UTRN: variants seen among roughly 807,000 people sequenced by gnomAD.
The protein encoded by UTRN is utrophin.
In UTRN, 283 loss-of-function variants were observed where a neutral mutation model predicts 463.9. That is an observed-to-expected ratio of 0.61 (90% CI 0.55 to 0.67). UTRN has a LOEUF of 0.67. Among genes scored for constraint, UTRN ranks in the 30% least tolerant of loss-of-function variants. The probability of loss-of-function intolerance (pLI) is 0.00; values close to 1 mark genes in which losing one functional copy is unlikely to be tolerated. For synonymous variants in UTRN, 1,442 were observed against 1,431.5 expected, an observed-to-expected ratio of 1.01 and a Z score of -0.17; for missense variants, 3,922 against 4,084.3, an observed-to-expected ratio of 0.96 and a Z score of 1.08.
chr6:144,477,909 A>G (rs771239189), intron 25 of UTRN, among the ~76,000 whole-genome samples: 1 of 151,304 alleles, frequency 6.6e-6, no homozygotes, highest in Non-Finnish European at 1.5e-5. Flanking sequence ...CTATCTATCT[A>G]TCCATCCATC....
intron 2 of UTRN, among the ~76,000 whole-genome samples, chr6:144,392,445 A>G (rs1370077936): frequency 6.6e-6 from 1 of 152,214 alleles, no homozygotes; most frequent in African/African-American, 2.4e-5. Flanking sequence ...TATTTTGACC[A>G]ATCCTTGTTC....
chr6:144,752,629 T>C (rs1791523842), intron 56 of UTRN, among the ~76,000 whole-genome samples: 1 of 152,188 alleles, frequency 6.6e-6, no homozygotes, highest in South Asian at 2.1e-4. Context: ...TTTACAATCT[T>C]AGTCTTTGCA....
In UTRN at chr6:144,556,759, A is replaced by G. The variant is rs540002587; in HGVS notation, c.7135-398A>G. On this transcript the variant is annotated intron_variant, in intron 49 of 74. Transcript: ENST00000367545. Reference sequence around the variant, plus strand: ...CAGGGGCAAGAGATGGAAGACGTCCATGTTGTTGATTCTTCACGTTTCTCC... The same window carrying G: ...CAGGGGCAAGAGATGGAAGACGTCCGTGTTGTTGATTCTTCACGTTTCTCC... Among the ~76,000 whole-genome samples, 85 of 152,328 alleles carry G rather than the reference A, an allele frequency of 5.6e-4. 1 individual carries two copies. The highest frequency in any genetic ancestry group is 1.5e-4 in the Non-Finnish European group (10 of 68,022).
At chr6:144,833,353 G>A (rs1225450268) in intron 69 of UTRN, among the ~76,000 whole-genome samples, 1 of 152,202 alleles carries the variant, frequency 6.6e-6, no homozygotes, top group African/African-American at 2.4e-5. Flanking sequence ...TTAATATTAT[G>A]GAAAATAGGA....
At chr6:144,375,769 G>A (rs1780400138) in intron 2 of UTRN, among the ~76,000 whole-genome samples, 1 of 152,156 alleles carries the variant, frequency 6.6e-6, no homozygotes, top group South Asian at 2.1e-4. Flanking sequence ...GGTGTTGCTT[G>A]CTGGTTGGAA....
intron 51 of UTRN, among the ~76,000 whole-genome samples, chr6:144,641,912 T>C (rs188369919): frequency 9.2e-5 from 14 of 152,358 alleles, no homozygotes; most frequent in Admixed American, 3.3e-4. Flanking sequence ...GCAATGCAAG[T>C]GTTTACATGA....
chr6:144,332,496 A>G (rs1159825877), intron 2 of UTRN, among the ~76,000 whole-genome samples: 2 of 152,148 alleles, frequency 1.3e-5, no homozygotes, highest in Non-Finnish European at 2.9e-5. Context: ...TCCATTAAGA[A>G]CCCTAGTCAA....
In UTRN at chr6:144,424,087, A is replaced by C. The variant is rs201248661; in HGVS notation, c.405+9A>C. ...TCATTTTGCACTGGCAGGTGGGGAA[A>C]TTTCCAATCACTTTTTAATAGAGAT... On this transcript the variant is annotated intron_variant, in intron 6 of 74. Coordinates refer to ENST00000367545, the MANE Select transcript of UTRN (RefSeq NM_007124.3). 1 of 1,612,016 alleles carries C rather than the reference A, an allele frequency of 6.2e-7. No individual in the cohort carries two copies. Among genetic ancestry groups the C allele is most frequent in the Non-Finnish European group, 8.5e-7 (1 of 1,179,206 alleles).
chr6:144,307,170 C>T (rs941540880), intron 2 of UTRN, among the ~76,000 whole-genome samples: 1 of 151,922 alleles, frequency 6.6e-6, no homozygotes, highest in African/African-American at 2.4e-5. Flanking sequence ...ATGACGGCAG[C>T]GGAAGATGAA....
In UTRN at chr6:144,625,298, T is replaced by C. The variant is rs74875048; in HGVS notation, c.7479+48010T>C. Among the ~76,000 whole-genome samples the C allele has an allele frequency of 2.8e-4, 42 of 152,376 alleles. 1 individual carries two copies. The East Asian group carries it at 8.1e-3, about 29-fold the overall frequency. On this transcript the variant is annotated intron_variant, in intron 51 of 74. Transcript: ENST00000367545. ...AATAACTGTCTTTTGCCTTCATCAA[T>C]ATTTTAGATACCCTTACTGGCTACC... is the stretch of plus-strand genomic sequence containing the variant.
chr6:144,624,926 A>G (rs567405136), intron 51 of UTRN, among the ~76,000 whole-genome samples: 3 of 152,246 alleles, frequency 2.0e-5, no homozygotes, highest in African/African-American at 7.2e-5. Context: ...TTTTTAGAAA[A>G]GAGAGCGGAA....
At chr6:144,631,233 GAGAGGTGTGT>G (rs1256347256) in intron 51 of UTRN, among the ~76,000 whole-genome samples, 1 of 123,692 alleles carries the variant, frequency 8.1e-6, no homozygotes, top group South Asian at 3.2e-4. Context: ...GTGTGAGAGA[GAGAGGTGTGT>G]GTGTGTGTGT....
At chr6:144,490,561 A>G (rs1285685890) in intron 31 of UTRN, among the ~76,000 whole-genome samples, 2 of 152,346 alleles carry the variant, frequency 1.3e-5, no homozygotes, top group East Asian at 3.9e-4. Flanking sequence ...TTCATGGTTG[A>G]TATGACATTG....
chr6:144,537,951 G>A (rs1361429466), intron 44 of UTRN, among the ~76,000 whole-genome samples: 3 of 152,146 alleles, frequency 2.0e-5, no homozygotes, highest in Non-Finnish European at 4.4e-5. Context: ...GTCAGTATTA[G>A]ACCAAAGGTT....
chr6:144,468,918 CCT>C (rs938257508), intron 23 of UTRN, among the ~76,000 whole-genome samples: 1 of 152,018 alleles, frequency 6.6e-6, no homozygotes, highest in African/African-American at 2.4e-5. Context: ...AGTAGAGCTC[CCT>C]GTCTTCTGCC....
At chr6:144,694,317 A>C (rs56412587) in intron 52 of UTRN, among the ~76,000 whole-genome samples, 8,828 of 151,228 alleles carry the variant, frequency 0.058, 347 homozygotes, top group Middle Eastern at 0.11. Context: ...TTTTGAATTG[A>C]TGTTCATCAA....
chr6:144,667,529 A>T (rs916237643), intron 51 of UTRN, among the ~76,000 whole-genome samples: 2 of 152,200 alleles, frequency 1.3e-5, no homozygotes, highest in Non-Finnish European at 2.9e-5. Context: ...GAGAGCAAAG[A>T]GGTGCCTTGC....
intron 61 of UTRN, among the ~76,000 whole-genome samples, chr6:144,787,101 G>A (rs1776359783): frequency 6.6e-6 from 1 of 152,114 alleles, no homozygotes; most frequent in Admixed American, 6.5e-5. Flanking sequence ...TTCCCTGTAG[G>A]GATCACTTTA....
intron 31 of UTRN, 133 bp downstream of exon 31, chr6:144,490,332 G>A: frequency 1.5e-6 from 2 of 1,293,616 alleles, no homozygotes; most frequent in African/African-American, 3.0e-5. Context: ...GTGATGATGT[G>A]TTGAAGGTTG....
Sources: gnomAD v4.1 joint callset for allele counts (sites outside exome capture counted in the v4.1 genomes callset) on GRCh38, gnomAD v4.1.1 for gene constraint, MANE v1.5 for transcripts, NCBI Gene and HGNC (gene_info 2026-07-23, HGNC 2026-07-21) for gene names.